RBFOX1: variants seen among roughly 807,000 people sequenced by gnomAD.
RBFOX1 encodes the protein RNA binding fox-1 homolog 1.
In RBFOX1, 8 loss-of-function variants were observed where a neutral mutation model predicts 57.7. That is an observed-to-expected ratio of 0.14 (90% CI 0.08 to 0.25). RBFOX1 has a LOEUF of 0.25. RBFOX1 is among the 10% of genes least tolerant of loss of function. The pLI is 1.00. For synonymous variants in RBFOX1, 326 were observed against 222.4 expected, an observed-to-expected ratio of 1.47 and a Z score of -4.15; for missense variants, 611 against 548.5, an observed-to-expected ratio of 1.11 and a Z score of -1.14.
rs185232552 is a variant in RBFOX1 at position 6,237,318 on chromosome 16, G to A, written c.-126-79677G>A. On this transcript the variant is annotated intron_variant, in intron 1 of 15. Transcript: ENST00000550418. ...GTAAATCCTACTTTTCCCTGTGGAA[G>A]AAGTTTGAGAGGCAGTGCTTGGGCA... 1.1e-3 allele frequency among the ~76,000 whole-genome samples: 160 copies of A among 152,338 alleles called. 1 individual carries two copies. The highest frequency in any genetic ancestry group is 3.5e-3 in the African/African-American group (146 of 41,580).
intron 1 of RBFOX1, among the ~76,000 whole-genome samples, chr16:5,411,782 C>G (rs933644332): frequency 4.0e-5 from 6 of 151,858 alleles, no homozygotes; most frequent in African/African-American, 1.2e-4. Context: ...ACTCTGGAGG[C>G]TGAGGTGGGA....
At chr16:7,516,443 C>A (rs1425900589) in intron 4 of RBFOX1, among the ~76,000 whole-genome samples, 1 of 152,118 alleles carries the variant, frequency 6.6e-6, no homozygotes, top group Non-Finnish European at 1.5e-5. Flanking sequence ...GTGGGACTGT[C>A]CCCCAAAAGG....
chr16:6,506,624 A>ATTTTTTTTTTTT lies in RBFOX1; in HGVS notation c.-63-147949_-63-147938dup, dbSNP rs71145238. 1.7e-4 allele frequency among the ~76,000 whole-genome samples: 17 copies of ATTTTTTTTTTTT among 98,460 alleles called. 2 individuals carry two copies. Among genetic ancestry groups the ATTTTTTTTTTTT allele is most frequent in the African/African-American group, 7.0e-4 (16 of 22,974 alleles). The allele number at this position is 98,460 out of a possible 152,430, so 64.6% of individuals were successfully genotyped here. Reference sequence around the variant, plus strand: ...ACGGTAATAACAATCACAGTAGCTAATTTTTTTTTTTTTTTTTTTTTTTTT... The same window carrying ATTTTTTTTTTTT: ...ACGGTAATAACAATCACAGTAGCTAATTTTTTTTTTTTTTTTTTTTTTTTTTTTTTTTTTTTT... On this transcript the variant is annotated intron_variant, in intron 2 of 15. Coordinates refer to ENST00000550418, the MANE Select transcript of RBFOX1 (RefSeq NM_018723.4).
At chr16:5,837,512 C>T (rs2056498103) in intron 3 of RBFOX1, among the ~76,000 whole-genome samples, 1 of 152,096 alleles carries the variant, frequency 6.6e-6, no homozygotes, top group Non-Finnish European at 1.5e-5. Context: ...GACATTCCCA[C>T]TCCCAACCCC....
intron 3 of RBFOX1, among the ~76,000 whole-genome samples, chr16:6,938,461 C>T (rs2077742112): frequency 6.6e-6 from 1 of 152,144 alleles, no homozygotes; most frequent in African/African-American, 2.4e-5. Context: ...CTTGCCATCA[C>T]TTTTCTTGTC....
At chr16:6,254,426 T>C (rs1275196266) in intron 1 of RBFOX1, among the ~76,000 whole-genome samples, 1 of 152,204 alleles carries the variant, frequency 6.6e-6, no homozygotes, top group African/African-American at 2.4e-5. Flanking sequence ...TAAAAGCTGA[T>C]GTGAAATTAA....
At chr16:5,827,155 A>T (rs1288149347) in intron 3 of RBFOX1, among the ~76,000 whole-genome samples, 1 of 152,024 alleles carries the variant, frequency 6.6e-6, no homozygotes, top group Non-Finnish European at 1.5e-5. Context: ...TAATCCCAGC[A>T]CTCTAGGAGG....
chr16:6,501,484 G>A (rs145307117), intron 2 of RBFOX1, among the ~76,000 whole-genome samples: 1 of 151,760 alleles, frequency 6.6e-6, no homozygotes. Context: ...CATTTTTATG[G>A]CTGCATAGTA....
chr16:5,608,416 A>T (rs2047663658), intron 3 of RBFOX1, among the ~76,000 whole-genome samples: 1 of 152,306 alleles, frequency 6.6e-6, no homozygotes, highest in East Asian at 1.9e-4. Flanking sequence ...CAATATGGCA[A>T]AGTGGTTCTG....
intron 14 of RBFOX1, among the ~76,000 whole-genome samples, chr16:7,679,172 A>G (rs1163838674): frequency 2.0e-5 from 3 of 152,228 alleles, no homozygotes; most frequent in African/African-American, 7.2e-5. Context: ...AAATGGTGCT[A>G]CTTCCTTTTA....
intron 2 of RBFOX1, among the ~76,000 whole-genome samples, chr16:6,413,690 G>A (rs1007037331): frequency 6.6e-5 from 10 of 152,156 alleles, no homozygotes; most frequent in Non-Finnish European, 1.5e-4. Context: ...AGAAATCCAG[G>A]ATCTTTTGAT....
rs1406166346 is a variant in RBFOX1, at chr16:7,579,757, G to T, written c.271-20G>T. 6.2e-7 allele frequency: 1 copy of T among 1,613,828 alleles called. No homozygotes were observed. Among genetic ancestry groups the T allele is most frequent in the African/African-American group, 1.3e-5 (1 of 74,914 alleles). On this transcript the variant is annotated intron_variant, in intron 5 of 15. Transcript: ENST00000550418. ...CTGTGGTCCACTGAGAACCTCTTCG[G>T]TTTCTTCTTGTTCTTTTAGCAGACA...
At chr16:7,671,944 T>TG (rs1408744102) in intron 13 of RBFOX1, among the ~76,000 whole-genome samples, 2 of 152,210 alleles carry the variant, frequency 1.3e-5, no homozygotes, top group Non-Finnish European at 2.9e-5. Flanking sequence ...AAAAGCTATC[T>TG]GGACTCAATC....
chr16:7,571,795 G>C (rs1027876964), intron 5 of RBFOX1, among the ~76,000 whole-genome samples: 1 of 150,726 alleles, frequency 6.6e-6, no homozygotes, highest in Admixed American at 6.7e-5. Flanking sequence ...CTGTTTGATG[G>C]GGAGGCTGCG....
intron 2 of RBFOX1, among the ~76,000 whole-genome samples, chr16:6,461,860 A>G (rs1042996495): frequency 1.3e-5 from 2 of 152,184 alleles, no homozygotes; most frequent in Non-Finnish European, 2.9e-5. Context: ...TGGTAATTAT[A>G]TGGATATTTT....
At chr16:5,811,206 G>A (rs1198947757) in intron 3 of RBFOX1, among the ~76,000 whole-genome samples, 40 of 140,200 alleles carry the variant, frequency 2.9e-4, no homozygotes, top group East Asian at 6.3e-4. Context: ...GCAATGGTGC[G>A]ATCTCGGCTC....
chr16:5,980,047 T>C (rs1007795423), intron 4 of RBFOX1, among the ~76,000 whole-genome samples: 1 of 152,222 alleles, frequency 6.6e-6, no homozygotes, highest in African/African-American at 2.4e-5. Flanking sequence ...CTGAAAAGTC[T>C]TCCAATCAGC....
At chr16:5,937,585 C>A (rs2152259464) in intron 4 of RBFOX1, among the ~76,000 whole-genome samples, 1 of 150,608 alleles carries the variant, frequency 6.6e-6, no homozygotes, top group African/African-American at 2.4e-5. Flanking sequence ...TTATATATAA[C>A]TATATGATAC....
intron 4 of RBFOX1, among the ~76,000 whole-genome samples, chr16:7,217,049 C>T (rs1360176417): frequency 3.3e-5 from 4 of 121,066 alleles, no homozygotes; most frequent in African/African-American, 1.0e-4. Flanking sequence ...CCCTCCCTCC[C>T]TCCCTCTCTC....
Sources: allele counts gnomAD v4.1 joint callset (sites outside exome capture counted in the v4.1 genomes callset), GRCh38; gene constraint gnomAD v4.1.1; transcripts MANE v1.5; gene names NCBI Gene and HGNC (gene_info 2026-07-23, HGNC 2026-07-21).